The following CLVS1 variants were observed in gnomAD, a reference collection of about 807,000 sequenced individuals.
CLVS1 encodes clavesin 1, also known as clavesin-1.
Under a neutral mutation model 33.1 loss-of-function variants are expected in CLVS1, and 10 were observed. That is an observed-to-expected ratio of 0.30 (90% confidence interval 0.19 to 0.51). CLVS1 has a LOEUF of 0.51. Ranked by LOEUF, CLVS1 falls within the 20% of genes least tolerant of loss-of-function variation. The pLI, the probability that CLVS1 is intolerant of heterozygous loss-of-function variation, is 0.97. For missense variants in CLVS1, 343 were observed against 433.4 expected (o/e 0.79, Z 1.85); for synonymous variants, 163 against 166.1 (o/e 0.98, Z 0.14).
At chr8:61,109,207 C>A (rs1017028414) in intron 1 of CLVS1, among the ~76,000 whole-genome samples, 1 of 152,052 alleles carries the variant, frequency 6.6e-6, no homozygotes, top group Non-Finnish European at 1.5e-5. Flanking sequence ...CTTCTGTGTG[C>A]ACTTCCTTTT....
At chr8:61,058,245 G>T (rs867347653) in intron 1 of CLVS1, among the ~76,000 whole-genome samples, 2 of 152,166 alleles carry the variant, frequency 1.3e-5, no homozygotes, top group Non-Finnish European at 2.9e-5. Flanking sequence ...TATTGAGGGG[G>T]TTTGATGGGA....
intron 2 of CLVS1, among the ~76,000 whole-genome samples, chr8:61,144,093 C>T (rs1266966257): frequency 6.6e-6 from 1 of 151,646 alleles, no homozygotes; most frequent in Non-Finnish European, 1.5e-5. Context: ...GATACATGTG[C>T]AGAACGTGCA....
the CLVS1 span, among the ~76,000 whole-genome samples, chr8:61,008,139 G>A: frequency 2.0e-5 from 3 of 152,202 alleles, no homozygotes; most frequent in South Asian, 2.1e-4. Context: ...TGCGCAGGAC[G>A]CAGATCGTCA....
intron 2 of CLVS1, among the ~76,000 whole-genome samples, chr8:61,205,663 T>C (rs1807824633): frequency 6.6e-6 from 1 of 152,238 alleles, no homozygotes; most frequent in South Asian, 2.1e-4. Context: ...ATTCCATGTT[T>C]AATTTTTTGA....
Position 61,342,168 on chromosome 8 carries a change from C to G in CLVS1, c.456-34437C>G, listed in dbSNP as rs916665285. ...AGTGTCCTAGTGGGGATCTGCTTTT[C>G]AAGACCCTCCTCCTGCTCAGCCTCA... is the stretch of plus-strand genomic sequence containing the variant. On this transcript the variant is annotated intron_variant, in intron 2 of 5. Coordinates refer to ENST00000325897, the MANE Select transcript of CLVS1 (RefSeq NM_173519.3). Among the ~76,000 whole-genome samples the G allele has an allele frequency of 2.6e-5, 4 of 152,150 alleles. No individual in the cohort carries two copies. In the East Asian group the frequency reaches 7.7e-4, roughly 29 times the overall value.
At chr8:61,212,112 C>T (rs1807982746) in intron 2 of CLVS1, among the ~76,000 whole-genome samples, 1 of 152,346 alleles carries the variant, frequency 6.6e-6, no homozygotes, top group South Asian at 2.1e-4. Context: ...AGCCACTGAG[C>T]TTGCAGTTTG....
At chr8:61,419,582 C>A (rs1815577336) in intron 3 of CLVS1, among the ~76,000 whole-genome samples, 1 of 152,150 alleles carries the variant, frequency 6.6e-6, no homozygotes, top group African/African-American at 2.4e-5. Flanking sequence ...GCCAAGGGAA[C>A]TCCAGAGCTG....
chr8:61,289,981 G>A (rs1809928472), intron 1 of CLVS1, among the ~76,000 whole-genome samples: 1 of 152,174 alleles, frequency 6.6e-6, no homozygotes, highest in African/African-American at 2.4e-5. Flanking sequence ...TCCACATAAT[G>A]TCCTTGGCTT....
At chr8:61,050,080 A>G in the CLVS1 span, among the ~76,000 whole-genome samples, 21 of 152,320 alleles carry the variant, frequency 1.4e-4, no homozygotes, top group South Asian at 4.4e-3. Flanking sequence ...CTAAGACTGG[A>G]CTTAACTCTT....
intron 2 of CLVS1, among the ~76,000 whole-genome samples, chr8:61,365,615 G>A (rs1369881281): frequency 6.6e-6 from 1 of 152,144 alleles, no homozygotes; most frequent in Non-Finnish European, 1.5e-5. Flanking sequence ...TCATGTCGGG[G>A]AGATTTTGCT....
the CLVS1 span, among the ~76,000 whole-genome samples, chr8:60,994,877 A>G: frequency 6.6e-6 from 1 of 152,054 alleles, no homozygotes; most frequent in South Asian, 2.1e-4. Flanking sequence ...CAACTATCTG[A>G]TCTTTGACAA....
intron 2 of CLVS1, among the ~76,000 whole-genome samples, chr8:61,360,935 T>C (rs1363622916): frequency 1.3e-5 from 2 of 152,034 alleles, no homozygotes; most frequent in Non-Finnish European, 2.9e-5. Flanking sequence ...TTCATAGTTC[T>C]GCAGGCTGTA....
the CLVS1 span, among the ~76,000 whole-genome samples, chr8:60,992,695 T>A: frequency 1.3e-5 from 2 of 148,398 alleles, no homozygotes; most frequent in Admixed American, 6.7e-5. Context: ...TCTACAAGCA[T>A]TTTTTTTTCC....
chr8:61,323,088 T>C (rs1490093770), intron 2 of CLVS1, among the ~76,000 whole-genome samples: 1 of 152,194 alleles, frequency 6.6e-6, no homozygotes, highest in East Asian at 1.9e-4. Context: ...CCTTTCCTAT[T>C]TCTTATGATT....
chr8:61,330,190 C>T (rs1393734208), intron 2 of CLVS1, among the ~76,000 whole-genome samples: 2 of 152,122 alleles, frequency 1.3e-5, no homozygotes, highest in Non-Finnish European at 2.9e-5. Context: ...GCTGAGGACT[C>T]CAAGGCTGAG....
intron 2 of CLVS1, among the ~76,000 whole-genome samples, chr8:61,253,770 A>G (rs1809003798): frequency 6.6e-6 from 1 of 152,214 alleles, no homozygotes; most frequent in Admixed American, 6.5e-5. Context: ...TTTCAGCTCC[A>G]TCAGGTCCTT....
At chr8:61,170,489 A>T (rs1806972924) in intron 2 of CLVS1, among the ~76,000 whole-genome samples, 1 of 152,186 alleles carries the variant, frequency 6.6e-6, no homozygotes, top group South Asian at 2.1e-4. Flanking sequence ...AATTACAACT[A>T]ACATGTATGA....
intron 1 of CLVS1, among the ~76,000 whole-genome samples, chr8:61,101,935 C>A (rs201455907): frequency 2.0e-5 from 3 of 152,048 alleles, no homozygotes; most frequent in African/African-American, 7.2e-5. Flanking sequence ...TATTTCAAGA[C>A]TCTCGATATA....
upstream of CLVS1, among the ~76,000 whole-genome samples, chr8:61,286,599 A>C (rs1809786621): frequency 6.6e-6 from 1 of 152,238 alleles, no homozygotes; most frequent in African/African-American, 2.4e-5. Context: ...ACAAACACAC[A>C]AATTATCTGC....
Sources: allele counts gnomAD v4.1 joint callset (sites outside exome capture counted in the v4.1 genomes callset), GRCh38; gene constraint gnomAD v4.1.1; transcripts MANE v1.5; gene names NCBI Gene and HGNC (gene_info 2026-07-23, HGNC 2026-07-21).